The following MAMSTR variants were observed in gnomAD, a reference collection of about 807,000 sequenced individuals.
The protein encoded by MAMSTR is MEF2 activating motif and SAP domain containing transcriptional regulator.
Under a neutral mutation model 42.7 loss-of-function variants are expected in MAMSTR, and 41 were observed. The ratio of observed to expected loss-of-function variants is 0.96; its 90% confidence interval spans 0.75 to 1.25. MAMSTR has a LOEUF of 1.25. Among genes scored for constraint, MAMSTR ranks in the 50% most tolerant of loss-of-function variants. The pLI is 0.00. For synonymous variants in MAMSTR, 265 were observed against 244.1 expected (o/e 1.09, Z -0.80); for missense variants, 567 against 557.6 (o/e 1.02, Z -0.17).
At position 48,713,114 on chromosome 19, in the gene MAMSTR, T is replaced by C. The variant is rs954094582; in HGVS notation, c.*153A>G. 5 of 673,874 alleles carry C rather than the reference T, an allele frequency of 7.4e-6. No homozygotes were observed. In the African/African-American group the frequency reaches 7.4e-5, roughly 10 times the overall value. 41.7% of individuals were successfully genotyped at this position (673,874 alleles called of 1,614,324 possible). On this transcript the variant is annotated 3_prime_UTR_variant, in exon 10 of 10. Coordinates refer to ENST00000318083, the MANE Select transcript of MAMSTR (RefSeq NM_001130915.2). ...GGTAGGCAAAGTTAAGGCAGTTGCA[T>C]GTCAGCAGCACTTCAGGAGGCAGGT... is the stretch of plus-strand genomic sequence containing the variant.
In MAMSTR at chr19:48,719,443, G is replaced by A. The variant is rs1447492047; in HGVS notation, c.-22+236C>T. Among the ~76,000 whole-genome samples, 1 of 152,136 alleles carries A rather than the reference G, an allele frequency of 6.6e-6. No homozygotes were observed. The highest frequency in any genetic ancestry group is 6.5e-5 in the Admixed American group (1 of 15,280). ...TGGAGTCTGGAATCTTGAAGGAGAAGGAGGTTAAGGGCTGGAACTCAATAC... is the reference window on the plus strand; with the variant it reads ...TGGAGTCTGGAATCTTGAAGGAGAAAGAGGTTAAGGGCTGGAACTCAATAC... On this transcript the variant is annotated intron_variant, in intron 1 of 9. Coordinates refer to ENST00000318083, the MANE Select transcript of MAMSTR (RefSeq NM_001130915.2). The surrounding 1 kb of genome is among the most constrained non-coding windows in gnomAD (Gnocchi z 4.4).
At position 48,715,704 on chromosome 19, in the gene MAMSTR, C is replaced by A; in HGVS notation, c.161G>T (p.Gly54Val). ...DPPLAPALPS[G>V]TAPFLFSPGV... Reference sequence around the variant, plus strand: ...AGGGCTGAAGAGGAAAGGGGCCGTGCCCGAGGGCAAGGCCGGGGCCAGAGG... The same window carrying A: ...AGGGCTGAAGAGGAAAGGGGCCGTGACCGAGGGCAAGGCCGGGGCCAGAGG... The change falls in exon 4 of 10, where the codon GGC becomes GTC. Residue 54 changes from glycine (G) to valine (V), a missense_variant. Physicochemically the swap from Gly to Val is moderately radical, Grantham distance 109. Transcript: ENST00000318083. 2 of 1,539,798 alleles carry A rather than the reference C, an allele frequency of 1.3e-6. No individual in the cohort carries two copies. The highest frequency in any genetic ancestry group is 1.7e-6 in the Non-Finnish European group (2 of 1,144,114).
chr19:48,715,966 A>G (rs2033006822), intron 3 of MAMSTR, 199 bp from the exon 4 acceptor site: 10 of 1,383,832 alleles, frequency 7.2e-6, no homozygotes, highest in Non-Finnish European at 9.3e-6. Flanking sequence ...TCTCAAGTAA[A>G]GCAGGAATTT....
chr19:48,709,629 G>A (rs1052209239), downstream of MAMSTR, among the ~76,000 whole-genome samples: 1 of 152,128 alleles, frequency 6.6e-6, no homozygotes, highest in African/African-American at 2.4e-5. Flanking sequence ...TGACTCTGGA[G>A]GGACTGACCC....
the MAMSTR span, among the ~76,000 whole-genome samples, chr19:48,706,363 T>C: frequency 1.3e-5 from 2 of 149,442 alleles, no homozygotes; most frequent in African/African-American, 4.9e-5. Flanking sequence ...TTTGGCTGGG[T>C]GCAGTGGCTC....
At chr19:48,717,165 C>T (rs773186836) in intron 2 of MAMSTR, 4 of 169,806 alleles carry the variant, frequency 2.4e-5, no homozygotes, top group Admixed American at 6.5e-5. Flanking sequence ...CAACACTCTC[C>T]GCATATCCAC....
chr19:48,715,282 G>C lies in MAMSTR; in HGVS notation c.405C>G (p.Asp135Glu). 1 of 1,592,982 alleles carries C rather than the reference G, an allele frequency of 6.3e-7. No individual in the cohort carries two copies. Among genetic ancestry groups the C allele is most frequent in the South Asian group, 1.1e-5 (1 of 87,376 alleles). ...PPGPSLWEGT[D>E]SQQPHPRMKP... Reference sequence around the variant, plus strand: ...CATACCTAGGATGTGGCTGCTGCGAGTCTGTCCCTTCCCACAGAGATGGCC... The same window carrying C: ...CATACCTAGGATGTGGCTGCTGCGACTCTGTCCCTTCCCACAGAGATGGCC... The change falls in exon 5 of 10, where the codon GAC (aspartate) becomes GAG (glutamate). Residue 135 changes from aspartate to glutamate, a missense_variant. By Grantham distance (45) the Asp-to-Glu change is conservative. Transcript: ENST00000318083.
the MAMSTR span, among the ~76,000 whole-genome samples, chr19:48,707,205 T>A: frequency 6.8e-6 from 1 of 147,190 alleles, no homozygotes; most frequent in East Asian, 2.1e-4. Flanking sequence ...GATCACAAAG[T>A]CAAGAGATCA....
chr19:48,716,005 G>C, intron 3 of MAMSTR: 1 of 1,289,158 alleles, frequency 7.8e-7, no homozygotes, highest in Non-Finnish European at 9.9e-7. Context: ...GGTAGCTGAG[G>C]ATCACAGATG....
chr19:48,709,063 G>A (rs2032691339), downstream of MAMSTR, among the ~76,000 whole-genome samples: 2 of 152,148 alleles, frequency 1.3e-5, no homozygotes, highest in South Asian at 4.1e-4. Context: ...GCTGAGGTGG[G>A]AGGAGCACTT....
chr19:48,713,770 A>G lies in MAMSTR; in HGVS notation c.910T>C (p.Leu304=), dbSNP rs371601498. The G allele has an allele frequency of 7.4e-6, 12 of 1,614,096 alleles. No homozygotes were observed. The African/African-American group carries it at 1.2e-4, about 16-fold the overall frequency. ...TCATCGATGCCCCGGTTAGGAAGCAACTGCGGATGGAGAAATTTGGCGTGA... is the reference window on the plus strand; with the variant it reads ...TCATCGATGCCCCGGTTAGGAAGCAGCTGCGGATGGAGAAATTTGGCGTGA... The part of the protein sequence containing the change: ...ELQEAIRRAQ[L]LPNRGIDDIL... Residue 304 remains leucine (L), a splice_region_variant and synonymous_variant, in exon 9 of 10, where the codon TTG becomes CTG. Coordinates refer to ENST00000318083, the MANE Select transcript of MAMSTR (RefSeq NM_001130915.2).
rs1045972845 is a variant in MAMSTR, at chr19:48,719,129, G to A, written c.-21-77C>T. 1.4e-5 allele frequency: 14 copies of A among 1,020,014 alleles called. No individual in the cohort carries two copies. In the African/African-American group the frequency reaches 2.1e-4, roughly 15 times the overall value. 63.2% of individuals were successfully genotyped at this position (1,020,014 alleles called of 1,614,324 possible). A position where few individuals can be genotyped will look rare whatever the true frequency, so the allele number is the denominator to read the frequency against. ...GGAGGTCAGGAGGCCGCCCCTGAGAGTGAATTCAGCAGGGAAAGGGCCCGA... is the reference window on the plus strand; with the variant it reads ...GGAGGTCAGGAGGCCGCCCCTGAGAATGAATTCAGCAGGGAAAGGGCCCGA... On this transcript the variant is annotated intron_variant, in intron 1 of 9. Coordinates refer to ENST00000318083, the MANE Select transcript of MAMSTR (RefSeq NM_001130915.2). This position sits in a 1 kb window ranked among gnomAD's most constrained non-coding sequence, Gnocchi z 4.4.
chr19:48,713,385 T>G lies in MAMSTR; in HGVS notation c.1130A>C (p.Glu377Ala). 6.2e-7 allele frequency: 1 copy of G among 1,611,976 alleles called. No individual in the cohort carries two copies. Among genetic ancestry groups the G allele is most frequent in the Non-Finnish European group, 8.5e-7 (1 of 1,179,454 alleles). Residue 377 changes from glutamate (E) to alanine (A), a missense_variant, in exon 10 of 10, where the codon GAG becomes GCG. By Grantham distance (107) the Glu-to-Ala change is moderately radical. Transcript: ENST00000318083. ...CAGAGGAGGACCCCCGCTCAGGGCCTCCAGCCAGTCCAGGGAGTCCGTGGG... is the reference window on the plus strand; with the variant it reads ...CAGAGGAGGACCCCCGCTCAGGGCCGCCAGCCAGTCCAGGGAGTCCGTGGG... ...RDPTDSLDWL[E>A]ALSGGPPLGS...
At chr19:48,714,683 TA>T in intron 6 of MAMSTR, 122 bp downstream of exon 6, 1 of 1,265,508 alleles carries the variant, frequency 7.9e-7, no homozygotes, top group Non-Finnish European at 1.1e-6. Context: ...CCTGGGACCC[TA>T]AAACAGGATG....
At chr19:48,707,838 G>GGAAAGAAAA (rs2032667307), downstream of MAMSTR, among the ~76,000 whole-genome samples, 1 of 90,902 alleles carries the variant, frequency 1.1e-5, no homozygotes, top group African/African-American at 4.7e-5. Context: ...AAGAAAGAAA[G>GGAAAGAAAA]GAAAGAAAGA....
chr19:48,707,754 AAGAG>A (rs2032663134), downstream of MAMSTR, among the ~76,000 whole-genome samples: 1 of 150,348 alleles, frequency 6.7e-6, no homozygotes, highest in Non-Finnish European at 1.5e-5. Context: ...AGAGAGAGAA[AAGAG>A]AGAAAGAAAA....
chr19:48,713,404 C>T lies in MAMSTR; in HGVS notation c.1111G>A (p.Asp371Asn), dbSNP rs1263336614. 1 of 1,613,106 alleles carries T rather than the reference C, an allele frequency of 6.2e-7. No homozygotes were observed. Among genetic ancestry groups the T allele is most frequent in the Non-Finnish European group, 8.5e-7 (1 of 1,179,736 alleles). The change falls in exon 10 of 10, where the codon GAC (aspartate) becomes AAC (asparagine). Residue 371 changes from aspartate (D) to asparagine (N), a missense_variant. Coordinates refer to ENST00000318083, the MANE Select transcript of MAMSTR (RefSeq NM_001130915.2). ...AGGGCCTCCAGCCAGTCCAGGGAGT[C>T]CGTGGGGTCCCTGGGAGAAGGGGAG... is the stretch of plus-strand genomic sequence containing the variant. ...SSSPSPRDPTDSLDWLEALSG... is the reference protein window; with the variant it reads ...SSSPSPRDPTNSLDWLEALSG...
At position 48,713,374 on chromosome 19, in the gene MAMSTR, C is replaced by T; in HGVS notation, c.1141G>A (p.Gly381Arg). The T allele has an allele frequency of 2.5e-6, 4 of 1,610,370 alleles. No individual in the cohort carries two copies. The highest frequency in any genetic ancestry group is 2.2e-5 in the South Asian group (2 of 90,942). Residue 381 changes from glycine (G) to arginine (R), a missense_variant, in exon 10 of 10, where the codon GGG (glycine) becomes AGG (arginine). Transcript: ENST00000318083. ...GGACCAGAACCCAGAGGAGGACCCC[C>T]GCTCAGGGCCTCCAGCCAGTCCAGG... Reference protein sequence around the residue: ...DSLDWLEALSGGPPLGSGPPP... With the variant: ...DSLDWLEALSRGPPLGSGPPP...
intron 3 of MAMSTR, 104 bp from the exon 4 acceptor site, chr19:48,715,871 C>G (rs2033000236): frequency 6.8e-7 from 1 of 1,474,074 alleles, no homozygotes; most frequent in South Asian, 1.4e-5. Flanking sequence ...GGAGGGCAGG[C>G]CAGGGAGCAA....
Sources: gnomAD v4.1 joint callset for allele counts (sites outside exome capture counted in the v4.1 genomes callset) on GRCh38, gnomAD v4.1.1 for gene constraint, Gnocchi (gnomAD v3.1) non-coding constraint, MANE v1.5 for transcripts, NCBI Gene and HGNC (gene_info 2026-07-23, HGNC 2026-07-21) for gene names.